The following ACBD6 variants were observed in gnomAD, a reference collection of about 807,000 sequenced individuals.
The protein encoded by ACBD6 is acyl-CoA-binding domain-containing protein 6.
A neutral mutation model predicts 37.2 loss-of-function variants in ACBD6; 28 were observed. The ratio of observed to expected loss-of-function variants is 0.75; its 90% CI spans 0.56 to 1.03. ACBD6 has a LOEUF of 1.03. Ranked by LOEUF, ACBD6 falls within the 50% of genes least tolerant of loss-of-function variation. The pLI is 0.00. For synonymous variants in ACBD6, 113 were observed against 126.8 expected (o/e 0.89, Z 0.73); for missense variants, 340 against 337.4 (o/e 1.01, Z -0.06).
intron 6 of ACBD6, among the ~76,000 whole-genome samples, chr1:180,379,954 A>G (rs1653576490): frequency 6.6e-6 from 1 of 152,228 alleles, no homozygotes. Context: ...ACCACATTAT[A>G]GTCAAACTGT....
At chr1:180,397,693 A>T in intron 5 of ACBD6, 88 bp from the exon 6 acceptor site, 4 of 1,119,164 alleles carry the variant, frequency 3.6e-6, no homozygotes, top group Non-Finnish European at 5.4e-6. Context: ...AAGGAAATAT[A>T]AAAAATTATG....
chr1:180,345,698 A>T (rs1323583419), intron 6 of ACBD6, among the ~76,000 whole-genome samples: 2 of 152,194 alleles, frequency 1.3e-5, no homozygotes, highest in Admixed American at 6.5e-5. Flanking sequence ...TCATTACAAT[A>T]TTATTAATGT....
At chr1:180,314,789 C>A in intron 6 of ACBD6, 67 bp from the exon 7 acceptor site, 1 of 1,241,556 alleles carries the variant, frequency 8.1e-7, no homozygotes, top group African/African-American at 1.5e-5. Context: ...AGTACATAAA[C>A]TGTAGCAAAT....
At chr1:180,471,090 G>A (rs12142847) in intron 3 of ACBD6, among the ~76,000 whole-genome samples, 2,944 of 152,214 alleles carry the variant, frequency 0.019, 46 homozygotes, top group Middle Eastern at 0.038. Context: ...GCTCCTAAGT[G>A]ACGCAAATAA....
chr1:180,460,474 G>A (rs1252988931), intron 3 of ACBD6, among the ~76,000 whole-genome samples: 1 of 152,074 alleles, frequency 6.6e-6, no homozygotes, highest in Non-Finnish European at 1.5e-5. Context: ...TCCTGGCTGG[G>A]CGAGACCTCC....
intron 6 of ACBD6, among the ~76,000 whole-genome samples, chr1:180,346,023 T>C (rs933533878): frequency 1.3e-5 from 2 of 152,184 alleles, no homozygotes; most frequent in Non-Finnish European, 2.9e-5. Context: ...GCTGGAGATC[T>C]GAAATTCTGA....
At chr1:180,415,046 C>T (rs1215472727) in intron 4 of ACBD6, among the ~76,000 whole-genome samples, 1 of 151,740 alleles carries the variant, frequency 6.6e-6, no homozygotes, top group Non-Finnish European at 1.5e-5. Context: ...CACTGCACTC[C>T]AGCCTGGGCA....
chr1:180,345,511 G>A (rs1652144611), intron 6 of ACBD6, among the ~76,000 whole-genome samples: 1 of 138,292 alleles, frequency 7.2e-6, no homozygotes, highest in South Asian at 2.4e-4. Context: ...TTCTAGAAAG[G>A]TATCCTAAAA....
rs868238324 is a variant in ACBD6, at chr1:180,334,204, G to C, written c.664-19482C>G. The stretch of plus-strand genomic sequence containing the variant: ...GCACATAGCTGGAGATCTGAGAACA[G>C]ACAGACTGCCTCCTCAAGTGGGTCC... On this transcript the variant is annotated intron_variant, in intron 6 of 7. Coordinates refer to ENST00000367595, the MANE Select transcript of ACBD6 (RefSeq NM_032360.4). Among the ~76,000 whole-genome samples, 5 of 152,352 alleles carry C rather than the reference G, an allele frequency of 3.3e-5. No individual in the cohort carries two copies. In the East Asian group the frequency reaches 5.8e-4, roughly 18 times the overall value.
At chr1:180,312,001 T>C (rs527766500) in intron 7 of ACBD6, among the ~76,000 whole-genome samples, 1 of 152,356 alleles carries the variant, frequency 6.6e-6, no homozygotes, top group African/African-American at 2.4e-5. Flanking sequence ...AGATAACATC[T>C]TGATATTTGG....
At chr1:180,337,422 A>C (rs1651779301) in intron 6 of ACBD6, among the ~76,000 whole-genome samples, 1 of 152,240 alleles carries the variant, frequency 6.6e-6, no homozygotes, top group South Asian at 2.1e-4. Flanking sequence ...ATCTCAATAG[A>C]TGCAGAAAAG....
intron 3 of ACBD6, among the ~76,000 whole-genome samples, chr1:180,450,079 ATAAAG>A (rs964319771): frequency 2.0e-5 from 3 of 152,126 alleles, no homozygotes; most frequent in Admixed American, 6.6e-5. Flanking sequence ...ACGGGTACAC[ATAAAG>A]TATTGAACTT....
chr1:180,310,022 T>C (rs950337048), intron 7 of ACBD6, among the ~76,000 whole-genome samples: 1 of 152,184 alleles, frequency 6.6e-6, no homozygotes, highest in Non-Finnish European at 1.5e-5. Flanking sequence ...CTAGTAAATA[T>C]AGACACATGG....
chr1:180,381,270 G>T (rs1653636204), intron 6 of ACBD6, among the ~76,000 whole-genome samples: 1 of 152,152 alleles, frequency 6.6e-6, no homozygotes, highest in Admixed American at 6.5e-5. Flanking sequence ...AACAATTGGG[G>T]ACTTTAATAC....
Position 180,502,411 on chromosome 1 carries a change from C to G in ACBD6, c.-145G>C, listed in dbSNP as rs984353477. 38 of 848,150 alleles carry G rather than the reference C, an allele frequency of 4.5e-5. No individual in the cohort carries two copies. The highest frequency in any genetic ancestry group is 6.4e-5 in the Non-Finnish European group (33 of 516,082). 52.5% of individuals were successfully genotyped at this position (848,150 alleles called of 1,614,324 possible). A position where few individuals can be genotyped will look rare whatever the true frequency, so the allele number is the denominator to read the frequency against. The stretch of plus-strand genomic sequence containing the variant: ...AGCTCAGTCGCGGCGCGCTCCCTCA[C>G]GTGACCCTGCTCCCTGCCCACTTCT... On this transcript the variant is annotated 5_prime_UTR_variant, in exon 1 of 8. Transcript: ENST00000367595.
intron 3 of ACBD6, among the ~76,000 whole-genome samples, chr1:180,431,880 G>A (rs576318420): frequency 2.0e-5 from 3 of 152,166 alleles, no homozygotes; most frequent in South Asian, 4.1e-4. Context: ...ACTGGGTTTC[G>A]CAATGACTTT....
At chr1:180,308,169 G>A (rs1302592276) in intron 7 of ACBD6, among the ~76,000 whole-genome samples, 1 of 151,500 alleles carries the variant, frequency 6.6e-6, no homozygotes, top group Non-Finnish European at 1.5e-5. Context: ...AGTTCTATTT[G>A]GTTCTCTTCC....
intron 6 of ACBD6, among the ~76,000 whole-genome samples, chr1:180,350,435 G>A (rs1652366214): frequency 6.6e-6 from 1 of 151,330 alleles, no homozygotes; most frequent in African/African-American, 2.4e-5. Context: ...TGTTGTTACC[G>A]AAACACAAAT....
intron 6 of ACBD6, among the ~76,000 whole-genome samples, chr1:180,340,468 T>C (rs1431462648): frequency 6.6e-6 from 1 of 151,724 alleles, no homozygotes; most frequent in Non-Finnish European, 1.5e-5. Context: ...GTTCAAGAGA[T>C]TATGGGAAAG....
Sources: allele counts gnomAD v4.1 joint callset (sites outside exome capture counted in the v4.1 genomes callset), GRCh38; gene constraint gnomAD v4.1.1; transcripts MANE v1.5; gene names NCBI Gene and HGNC (gene_info 2026-07-23, HGNC 2026-07-21).